Variants in TSNAX observed in about 807,000 individuals in gnomAD.
TSNAX encodes translin associated factor X, also known as translin-associated protein X.
In TSNAX, 12 loss-of-function variants were observed where a neutral mutation model predicts 33.0. The ratio of observed to expected loss-of-function variants is 0.36; its 90% CI spans 0.23 to 0.59. The LOEUF is 0.59. TSNAX is among the 20% of genes least tolerant of loss of function. TSNAX has a pLI of 0.74. For synonymous variants in TSNAX, 110 were observed against 117.2 expected, an observed-to-expected ratio of 0.94 and a Z score of 0.40; for missense variants, 267 against 341.3, an observed-to-expected ratio of 0.78 and a Z score of 1.72.
At chr1:231,529,722 C>T (rs1658531140) in intron 2 of TSNAX, among the ~76,000 whole-genome samples, 1 of 152,286 alleles carries the variant, frequency 6.6e-6, no homozygotes, top group African/African-American at 2.4e-5. Flanking sequence ...AAGACAGGGA[C>T]GGTATCTTTG....
chr1:231,550,522 T>C (rs1352931337), intron 4 of TSNAX, among the ~76,000 whole-genome samples: 2 of 152,216 alleles, frequency 1.3e-5, no homozygotes, highest in African/African-American at 4.8e-5. Context: ...GAAGCATTGC[T>C]TTATTTGAGG....
intron 5 of TSNAX, among the ~76,000 whole-genome samples, chr1:231,561,896 A>C (rs1266427726): frequency 1.3e-5 from 2 of 152,228 alleles, no homozygotes; most frequent in Non-Finnish European, 2.9e-5. Flanking sequence ...AGTGCTCAGT[A>C]GTTTGCCATT....
At position 231,545,651 on chromosome 1, in the gene TSNAX, CTGATAA is replaced by C. The variant is rs543314173; in HGVS notation, c.367+3047_367+3052del. The stretch of plus-strand genomic sequence containing the variant: ...TTTTTCTTAAGTTTAGTTTATATCA[CTGATAA>C]TGATAAGAATTGTCATTTTTTGAGA... On this transcript the variant is annotated intron_variant, in intron 4 of 5. Transcript: ENST00000366639. Among the ~76,000 whole-genome samples the C allele has an allele frequency of 1.3e-4, 19 of 151,908 alleles. No individual in the cohort carries two copies. The South Asian group carries it at 3.9e-3, about 32-fold the overall frequency.
chr1:231,530,033 C>G (rs961050141), intron 2 of TSNAX, among the ~76,000 whole-genome samples: 6 of 152,192 alleles, frequency 3.9e-5, no homozygotes, highest in African/African-American at 1.4e-4. Context: ...ATAGTTTAGG[C>G]CTTTTGCCTG....
chr1:231,545,892 C>T (rs914223955), intron 4 of TSNAX, among the ~76,000 whole-genome samples: 1 of 152,122 alleles, frequency 6.6e-6, no homozygotes, highest in Non-Finnish European at 1.5e-5. Context: ...TTGAGGCTCA[C>T]AAGTTATGCT....
intron 1 of TSNAX, 132 bp from the exon 2 acceptor site, chr1:231,529,123 C>T: frequency 1.1e-6 from 1 of 883,456 alleles, no homozygotes; most frequent in East Asian, 2.6e-5. Flanking sequence ...CTCTGTCAGT[C>T]TGCGGAGAAA....
chr1:231,542,161 T>G (rs1659614957), intron 3 of TSNAX, among the ~76,000 whole-genome samples: 1 of 152,204 alleles, frequency 6.6e-6, no homozygotes, highest in African/African-American at 2.4e-5. Context: ...TTATTTTTTC[T>G]TTTTAGTTGT....
chr1:231,530,864 G>C (rs1441000002), intron 2 of TSNAX, among the ~76,000 whole-genome samples: 1 of 150,590 alleles, frequency 6.6e-6, no homozygotes, highest in Admixed American at 6.6e-5. Flanking sequence ...CTCCAGCCCC[G>C]GCGACAGAAT....
chr1:231,543,177 C>CA lies in TSNAX; in HGVS notation c.367+578dup, dbSNP rs997607648. On this transcript the variant is annotated intron_variant, in intron 4 of 5. Transcript: ENST00000366639. ...TGGGCGTCAGCACAAGACTCCGTCT[C>CA]AAAAAAAAAAAATTTTGAGGGTATA... Among the ~76,000 whole-genome samples the CA allele has an allele frequency of 8.3e-3, 1,154 of 139,022 alleles. 6 individuals are homozygous for CA. Among genetic ancestry groups the CA allele is most frequent in the African/African-American group, 0.012 (450 of 37,792 alleles). The allele number at this position is 139,022 out of a possible 152,430, so 91.2% of individuals were successfully genotyped here.
chr1:231,545,852 G>T (rs1402733971), intron 4 of TSNAX, among the ~76,000 whole-genome samples: 3 of 152,088 alleles, frequency 2.0e-5, no homozygotes, highest in African/African-American at 7.2e-5. Context: ...CTAAATCATA[G>T]ATATTTTTAC....
intron 4 of TSNAX, among the ~76,000 whole-genome samples, chr1:231,544,088 T>G (rs545033549): frequency 3.3e-5 from 5 of 152,184 alleles, no homozygotes; most frequent in Non-Finnish European, 5.9e-5. Context: ...TCAGACAGAG[T>G]AGTCCTGCTA....
intron 2 of TSNAX, chr1:231,534,527 ATTAAC>A (rs1469687512): frequency 1.3e-5 from 2 of 152,254 alleles, no homozygotes; most frequent in Non-Finnish European, 2.9e-5. Flanking sequence ...GCTTTATAAA[ATTAAC>A]TTATATTACT....
chr1:231,529,152 C>T, intron 1 of TSNAX, 103 bp from the exon 2 acceptor site: 1 of 1,175,778 alleles, frequency 8.5e-7, no homozygotes, highest in Admixed American at 2.1e-5. Flanking sequence ...GGCGAGGGCC[C>T]TGTGGGTATC....
At chr1:231,551,849 A>G (rs976039672) in intron 4 of TSNAX, among the ~76,000 whole-genome samples, 17 of 151,770 alleles carry the variant, frequency 1.1e-4, no homozygotes, top group South Asian at 4.1e-4. Flanking sequence ...ACCATTAGCT[A>G]GGCATAGTTG....
intron 3 of TSNAX, among the ~76,000 whole-genome samples, chr1:231,541,718 A>G (rs937002387): frequency 9.2e-5 from 14 of 152,062 alleles, no homozygotes; most frequent in Non-Finnish European, 1.5e-4. Flanking sequence ...TGTAGTGTCA[A>G]TCTGCTGATG....
intron 5 of TSNAX, chr1:231,563,567 T>C (rs1661244383): frequency 6.5e-6 from 1 of 154,874 alleles, no homozygotes; most frequent in Admixed American, 6.5e-5. Context: ...TCAAGGTCAT[T>C]TGGAAGAGTT....
intron 4 of TSNAX, among the ~76,000 whole-genome samples, chr1:231,553,993 T>G (rs1418938926): frequency 6.6e-6 from 1 of 152,176 alleles, no homozygotes. Flanking sequence ...GCCCATGAAA[T>G]CTAATTTCTA....
At chr1:231,544,465 T>A (rs980914374) in intron 4 of TSNAX, among the ~76,000 whole-genome samples, 1 of 152,232 alleles carries the variant, frequency 6.6e-6, no homozygotes, top group Non-Finnish European at 1.5e-5. Flanking sequence ...TAATAAAAAT[T>A]CACATATTTT....
rs1437390687 is a variant in TSNAX, at chr1:231,564,980, C to T, written c.*75C>T. The T allele has an allele frequency of 2.7e-6, 4 of 1,498,720 alleles. No homozygotes were observed. The East Asian group carries it at 9.1e-5, about 34-fold the overall frequency. 92.8% of individuals were successfully genotyped at this position (1,498,720 alleles called of 1,614,324 possible). ...AATTTGTAAGACTTATTTAGTATTT[C>T]ATTTAACTTTATTGTGGCTTTTACA... On this transcript the variant is annotated 3_prime_UTR_variant, in exon 6 of 6. Coordinates refer to ENST00000366639, the MANE Select transcript of TSNAX (RefSeq NM_005999.3).
Sources: allele counts gnomAD v4.1 joint callset (sites outside exome capture counted in the v4.1 genomes callset), GRCh38; gene constraint gnomAD v4.1.1; transcripts MANE v1.5; gene names NCBI Gene and HGNC (gene_info 2026-07-23, HGNC 2026-07-21).